WWOX: variants seen among roughly 807,000 people sequenced by gnomAD.
WWOX encodes WW domain-containing oxidoreductase.
WWOX carries 69 observed loss-of-function variants against 46.2 expected under a neutral mutation model. The observed-to-expected ratio is 1.49, with a 90% CI of 1.23 to 1.82. The LOEUF is 1.82. WWOX is among the 40% of genes most tolerant of loss of function. The pLI is 0.00. For missense variants in WWOX, 919 were observed against 542.6 expected, an observed-to-expected ratio of 1.69 and a Z score of -6.89; for synonymous variants, 359 against 202.6, an observed-to-expected ratio of 1.77 and a Z score of -6.56.
chr16:78,380,057 G>C (rs1373488948), intron 5 of WWOX, among the ~76,000 whole-genome samples: 1 of 152,184 alleles, frequency 6.6e-6, no homozygotes, highest in Non-Finnish European at 1.5e-5. Context: ...GTGTATTGAA[G>C]GTGTCTGTTA....
chr16:78,805,349 C>G (rs1597642269), intron 8 of WWOX, among the ~76,000 whole-genome samples: 1 of 152,144 alleles, frequency 6.6e-6, no homozygotes, highest in African/African-American at 2.4e-5. Context: ...CAAGCTCCGC[C>G]TCCCGGGTTC....
intron 8 of WWOX, among the ~76,000 whole-genome samples, chr16:78,948,066 C>T (rs1356106399): frequency 6.6e-6 from 1 of 152,220 alleles, no homozygotes; most frequent in African/African-American, 2.4e-5. Context: ...GCAGCCTGTG[C>T]CGTCAGAGAG....
intron 5 of WWOX, chr16:78,355,663 T>G (rs142639496): frequency 1.7e-5 from 12 of 710,054 alleles, no homozygotes; most frequent in Admixed American, 1.5e-4. Context: ...TACATACTTA[T>G]GATCAACATT....
rs564662686 is a variant in WWOX, at chr16:79,160,078, G to A, written c.1057-51530G>A. On this transcript the variant is annotated intron_variant, in intron 8 of 8. Coordinates refer to ENST00000566780, the MANE Select transcript of WWOX (RefSeq NM_016373.4). ...CTCTGTGAATCTGTTCCCATTTGCA[G>A]TGAGAGTGCTGGCATCAAGCACATT... 1.7e-3 allele frequency among the ~76,000 whole-genome samples: 256 copies of A among 152,322 alleles called. 1 individual carries two copies. The highest frequency in any genetic ancestry group is 5.9e-3 in the African/African-American group (245 of 41,570).
intron 6 of WWOX, among the ~76,000 whole-genome samples, chr16:78,423,227 CTCTT>C (rs765860240): frequency 7.8e-4 from 119 of 152,160 alleles, no homozygotes; most frequent in Middle Eastern, 3.4e-3. Flanking sequence ...CTCTTTCTTT[CTCTT>C]TCTCTGTTTC....
chr16:79,090,881 C>T (rs1341392555), intron 8 of WWOX, among the ~76,000 whole-genome samples: 3 of 152,250 alleles, frequency 2.0e-5, no homozygotes, highest in Non-Finnish European at 4.4e-5. Flanking sequence ...GCAACCTTTG[C>T]CTCCTGGGTT....
chr16:78,800,585 T>C (rs2142650573), intron 8 of WWOX, among the ~76,000 whole-genome samples: 1 of 152,334 alleles, frequency 6.6e-6, no homozygotes, highest in African/African-American at 2.4e-5. Flanking sequence ...CCCACTGTGA[T>C]AGAATTTGCC....
chr16:78,970,454 A>C (rs1325476883), intron 8 of WWOX, among the ~76,000 whole-genome samples: 3 of 152,208 alleles, frequency 2.0e-5, no homozygotes, highest in African/African-American at 7.2e-5. Flanking sequence ...TTGAGCGATC[A>C]CAGTTTATTT....
In WWOX at chr16:78,162,697, C is replaced by G. The variant is rs9931836; in HGVS notation, c.410-1486C>G. ...GTCTTTAAATATTGCTTTTCTTAGT[C>G]TATTTCACTTGTTTTGGAACTCAGA... On this transcript the variant is annotated intron_variant, in intron 4 of 8. Transcript: ENST00000566780. Among the ~76,000 whole-genome samples the G allele has an allele frequency of 6.5e-3, 990 of 152,180 alleles. 9 individuals are homozygous for G. The highest frequency in any genetic ancestry group is 0.022 in the African/African-American group (931 of 41,520).
intron 8 of WWOX, among the ~76,000 whole-genome samples, chr16:78,827,889 T>C (rs1174472180): frequency 6.6e-6 from 1 of 152,074 alleles, no homozygotes; most frequent in African/African-American, 2.4e-5. Context: ...AGTGTTGTTA[T>C]CTCAGGATGG....
intron 8 of WWOX, among the ~76,000 whole-genome samples, chr16:78,604,330 G>C (rs1157525048): frequency 3.3e-5 from 5 of 152,008 alleles, no homozygotes; most frequent in Non-Finnish European, 7.4e-5. Flanking sequence ...GACTTCTCTA[G>C]CCCTCATGAA....
intron 8 of WWOX, among the ~76,000 whole-genome samples, chr16:78,562,015 A>G (rs2044451680): frequency 6.6e-6 from 1 of 152,220 alleles, no homozygotes; most frequent in South Asian, 2.1e-4. Flanking sequence ...TATAATGATG[A>G]AGCAATGGCA....
chr16:78,877,221 A>G (rs1466464333), intron 8 of WWOX, among the ~76,000 whole-genome samples: 2 of 152,180 alleles, frequency 1.3e-5, no homozygotes, highest in Admixed American at 6.5e-5. Context: ...TTTCAGGCTG[A>G]TTAAAAGGCA....
intron 5 of WWOX, among the ~76,000 whole-genome samples, chr16:78,321,229 C>T (rs953713205): frequency 6.0e-5 from 9 of 150,834 alleles, no homozygotes; most frequent in African/African-American, 1.9e-4. Flanking sequence ...CTCCCTTGCT[C>T]CACAATTCTC....
chr16:79,082,269 G>C (rs549246631), intron 8 of WWOX, among the ~76,000 whole-genome samples: 8 of 152,196 alleles, frequency 5.3e-5, no homozygotes, highest in African/African-American at 9.7e-5. Context: ...GAACAGGAAA[G>C]AGTCAGATGG....
At chr16:78,640,147 G>A (rs1178798040) in intron 8 of WWOX, among the ~76,000 whole-genome samples, 1 of 151,392 alleles carries the variant, frequency 6.6e-6, no homozygotes, top group African/African-American at 2.4e-5. Context: ...GAGGGAGGCC[G>A]ATAGAGAGTG....
chr16:78,394,943 G>A (rs1015725472), intron 6 of WWOX, among the ~76,000 whole-genome samples: 4 of 152,156 alleles, frequency 2.6e-5, no homozygotes, highest in East Asian at 3.9e-4. Context: ...ATCTCTCAGC[G>A]TCACTTTCCA....
chr16:78,336,818 G>A (rs1263409703), intron 5 of WWOX, among the ~76,000 whole-genome samples: 1 of 152,124 alleles, frequency 6.6e-6, no homozygotes, highest in African/African-American at 2.4e-5. Flanking sequence ...TCGAGACGAA[G>A]TTTCGCTCTC....
chr16:78,813,467 A>G (rs531167798), intron 8 of WWOX, among the ~76,000 whole-genome samples: 6 of 152,140 alleles, frequency 3.9e-5, no homozygotes, highest in Admixed American at 3.9e-4. Flanking sequence ...CATCTATTCT[A>G]ATTTCTGGGG....
Sources: gnomAD v4.1 joint callset for allele counts (sites outside exome capture counted in the v4.1 genomes callset) on GRCh38, gnomAD v4.1.1 for gene constraint, MANE v1.5 for transcripts, NCBI Gene and HGNC (gene_info 2026-07-23, HGNC 2026-07-21) for gene names.